GRID2: variants seen among roughly 807,000 people sequenced by gnomAD.
GRID2 encodes glutamate receptor ionotropic, delta-2.
Under a neutral mutation model 114.8 loss-of-function variants are expected in GRID2, and 33 were observed. The ratio of observed to expected loss-of-function variants is 0.29; its 90% CI spans 0.22 to 0.38. The LOEUF (loss-of-function observed/expected upper bound fraction) is 0.38. Ranked by LOEUF, GRID2 falls within the 10% of genes least tolerant of loss-of-function variation. The pLI is 1.00. For missense variants in GRID2, 1,184 were observed against 1,257.7 expected, an observed-to-expected ratio of 0.94 and a Z score of 0.89; for synonymous variants, 505 against 449.9, an observed-to-expected ratio of 1.12 and a Z score of -1.55.
chr4:92,468,530 A>G (rs1721866357), intron 1 of GRID2, among the ~76,000 whole-genome samples: 1 of 152,060 alleles, frequency 6.6e-6, no homozygotes, highest in South Asian at 2.1e-4. Context: ...TAAAAAACTT[A>G]ATTAAACACT....
At chr4:92,976,691 C>T (rs1753898143) in intron 2 of GRID2, among the ~76,000 whole-genome samples, 1 of 152,106 alleles carries the variant, frequency 6.6e-6, no homozygotes, top group South Asian at 2.1e-4. Flanking sequence ...TTGGTATTAT[C>T]TCTATACTTC....
intron 2 of GRID2, among the ~76,000 whole-genome samples, chr4:92,672,260 A>C (rs1172526586): frequency 1.3e-5 from 2 of 152,060 alleles, no homozygotes; most frequent in African/African-American, 4.8e-5. Flanking sequence ...TCTTCTGCTC[A>C]AGATTATTTT....
intron 8 of GRID2, among the ~76,000 whole-genome samples, chr4:93,314,614 C>T (rs1226464237): frequency 2.0e-5 from 3 of 151,938 alleles, no homozygotes; most frequent in Non-Finnish European, 2.9e-5. Context: ...AAGCCTGCCC[C>T]GATTGTATTA....
chr4:92,761,846 G>A (rs1354389259), intron 2 of GRID2, among the ~76,000 whole-genome samples: 1 of 152,120 alleles, frequency 6.6e-6, no homozygotes, highest in Non-Finnish European at 1.5e-5. Flanking sequence ...TGTCAGAAAT[G>A]AAGAAAATGC....
intron 1 of GRID2, among the ~76,000 whole-genome samples, chr4:92,491,802 G>T (rs1308977483): frequency 6.6e-6 from 1 of 152,110 alleles, no homozygotes; most frequent in Non-Finnish European, 1.5e-5. Context: ...GGTTTCTTCA[G>T]TGGATGATAA....
intron 1 of GRID2, among the ~76,000 whole-genome samples, chr4:92,457,403 C>T (rs760163907): frequency 1.3e-5 from 2 of 151,992 alleles, no homozygotes; most frequent in Non-Finnish European, 2.9e-5. Flanking sequence ...TGGCTTAGTA[C>T]CTTGCATAGT....
intron 8 of GRID2, among the ~76,000 whole-genome samples, chr4:93,322,665 A>G (rs1380163835): frequency 6.6e-6 from 1 of 152,198 alleles, no homozygotes; most frequent in East Asian, 1.9e-4. Flanking sequence ...TCCCACTAAC[A>G]GTGAAAAGTG....
At chr4:92,672,284 G>C (rs1579812342) in intron 2 of GRID2, among the ~76,000 whole-genome samples, 1 of 152,094 alleles carries the variant, frequency 6.6e-6, no homozygotes, top group Non-Finnish European at 1.5e-5. Context: ...GTAAACTCCA[G>C]ACATCTTGTT....
At chr4:93,635,664 TTC>T (rs1302337950) in intron 14 of GRID2, among the ~76,000 whole-genome samples, 2 of 152,064 alleles carry the variant, frequency 1.3e-5, no homozygotes, top group African/African-American at 4.8e-5. Context: ...ATCATTCTTT[TTC>T]TGTTTCCTGA....
chr4:92,526,981 A>G (rs1725075123), intron 1 of GRID2, among the ~76,000 whole-genome samples: 1 of 152,074 alleles, frequency 6.6e-6, no homozygotes, highest in Non-Finnish European at 1.5e-5. Context: ...TTTTATCTTT[A>G]GAGATCTCTA....
At chr4:93,608,057 T>TATATAC (rs1012379737) in intron 13 of GRID2, among the ~76,000 whole-genome samples, 2 of 148,900 alleles carry the variant, frequency 1.3e-5, no homozygotes, top group Admixed American at 6.7e-5. Flanking sequence ...TATATATATA[T>TATATAC]ACGTATATAA....
chr4:92,334,100 T>C (rs192898558), intron 1 of GRID2, among the ~76,000 whole-genome samples: 2 of 152,276 alleles, frequency 1.3e-5, no homozygotes, highest in Admixed American at 1.3e-4. Context: ...TGGACACAAT[T>C]CCTCCACATT....
intron 8 of GRID2, among the ~76,000 whole-genome samples, chr4:93,252,447 A>G (rs7682278): frequency 0.55 from 82,039 of 150,486 alleles, 23,339 homozygotes; most frequent in Middle Eastern, 0.75. Flanking sequence ...TTGTACAAGT[A>G]CCATGCTGTT....
At chr4:93,267,720 C>A (rs775083066) in intron 8 of GRID2, among the ~76,000 whole-genome samples, 24 of 152,326 alleles carry the variant, frequency 1.6e-4, no homozygotes, top group African/African-American at 5.1e-4. Flanking sequence ...CATGCTGGAG[C>A]CCATCCCACA....
intron 2 of GRID2, among the ~76,000 whole-genome samples, chr4:92,887,256 A>G (rs1428940164): frequency 1.3e-5 from 2 of 152,238 alleles, no homozygotes; most frequent in Non-Finnish European, 2.9e-5. Flanking sequence ...TAGGACACCC[A>G]GAGGGTGCCC....
intron 2 of GRID2, among the ~76,000 whole-genome samples, chr4:92,746,960 G>A (rs539068525): frequency 2.3e-4 from 35 of 152,088 alleles, no homozygotes; most frequent in African/African-American, 6.0e-4. Flanking sequence ...TTTCTAACAC[G>A]TCAATGTTGG....
intron 2 of GRID2, among the ~76,000 whole-genome samples, chr4:92,699,370 G>C (rs545342988): frequency 6.6e-6 from 1 of 152,240 alleles, no homozygotes; most frequent in South Asian, 2.1e-4. Flanking sequence ...CAATTTTGAG[G>C]ACAGATAGGC....
Position 92,773,552 on chromosome 4 carries a change from CT to C in GRID2, c.244+183270del, listed in dbSNP as rs917067971. On this transcript the variant is annotated intron_variant, in intron 2 of 15. Transcript: ENST00000282020. ...TATACTATGAAAGTCTTTCTACCTT[CT>C]TTTAAAGTCCAAGATTTATATCTAA... Among the ~76,000 whole-genome samples the C allele has an allele frequency of 4.6e-5, 7 of 152,036 alleles. No individual in the cohort carries two copies. In the East Asian group the frequency reaches 1.4e-3, roughly 29 times the overall value.
chr4:93,075,112 C>T (rs1429212047), intron 2 of GRID2, among the ~76,000 whole-genome samples: 1 of 152,140 alleles, frequency 6.6e-6, no homozygotes, highest in Non-Finnish European at 1.5e-5. Flanking sequence ...AACCCATTTA[C>T]TGAAGCCAGC....
Sources: allele counts gnomAD v4.1 joint callset (sites outside exome capture counted in the v4.1 genomes callset), GRCh38; gene constraint gnomAD v4.1.1; transcripts MANE v1.5; gene names NCBI Gene and HGNC (gene_info 2026-07-23, HGNC 2026-07-21).